The following APBB2 variants were observed in gnomAD, a reference collection of about 807,000 sequenced individuals.
APBB2 encodes amyloid beta precursor protein binding family B member 2.
APBB2 carries 38 observed loss-of-function variants against 82.5 expected under a neutral mutation model. The ratio of observed to expected loss-of-function variants is 0.46; its 90% CI spans 0.36 to 0.60. APBB2 has a LOEUF of 0.60. APBB2 is among the 20% of genes least tolerant of loss of function. APBB2 has a pLI of 0.00. For missense variants in APBB2, 772 were observed against 972.3 expected (o/e 0.79, Z 2.74); for synonymous variants, 341 against 368.2 (o/e 0.93, Z 0.85).
intron 2 of APBB2, among the ~76,000 whole-genome samples, chr4:41,135,272 A>G (rs1484382549): frequency 6.6e-6 from 1 of 152,170 alleles, no homozygotes; most frequent in Admixed American, 6.5e-5. Flanking sequence ...CATGACGATT[A>G]CATTCAAAAC....
chr4:40,907,906 C>T (rs1448821113), intron 10 of APBB2, among the ~76,000 whole-genome samples: 2 of 148,724 alleles, frequency 1.3e-5, no homozygotes, highest in African/African-American at 5.0e-5. Flanking sequence ...TGGGCTCAAG[C>T]CATTTGCTCA....
chr4:40,905,386 G>T (rs893122624), intron 10 of APBB2, among the ~76,000 whole-genome samples: 4 of 152,198 alleles, frequency 2.6e-5, no homozygotes, highest in African/African-American at 9.6e-5. Flanking sequence ...AGGAGAAAGA[G>T]GCAACGCAGT....
intron 10 of APBB2, among the ~76,000 whole-genome samples, chr4:40,915,504 T>C (rs951185631): frequency 2.0e-5 from 3 of 152,210 alleles, no homozygotes; most frequent in Admixed American, 1.3e-4. Context: ...AAACAATACC[T>C]GGTACTCAGT....
chr4:40,849,967 G>A (rs1163689203), intron 12 of APBB2, among the ~76,000 whole-genome samples: 1 of 151,966 alleles, frequency 6.6e-6, no homozygotes. Context: ...CAGGTGATTC[G>A]CCCGCCTCGG....
intron 6 of APBB2, among the ~76,000 whole-genome samples, chr4:40,954,946 G>A (rs1197756804): frequency 6.6e-6 from 1 of 150,920 alleles, no homozygotes; most frequent in East Asian, 2.0e-4. Flanking sequence ...CCACTGTACG[G>A]CCAGGTAGTC....
chr4:41,015,067 C>A (rs1326035882), intron 5 of APBB2, among the ~76,000 whole-genome samples: 2 of 152,328 alleles, frequency 1.3e-5, no homozygotes, highest in South Asian at 2.1e-4. Flanking sequence ...AAAACTATTA[C>A]TGTAGCATTG....
chr4:40,913,192 C>A (rs1778991319), intron 10 of APBB2, among the ~76,000 whole-genome samples: 1 of 152,072 alleles, frequency 6.6e-6, no homozygotes, highest in Admixed American at 6.5e-5. Flanking sequence ...AGCAGTCAGG[C>A]TGTACCCGCC....
intron 17 of APBB2, 142 bp downstream of exon 17, chr4:40,821,729 A>G: frequency 2.1e-6 from 2 of 963,136 alleles, no homozygotes; most frequent in African/African-American, 3.3e-5. Context: ...TTCTGGCCCT[A>G]GGAATGACGG....
chr4:40,897,316 C>T (rs1418576609), intron 10 of APBB2, among the ~76,000 whole-genome samples: 1 of 152,166 alleles, frequency 6.6e-6, no homozygotes, highest in African/African-American at 2.4e-5. Flanking sequence ...CGAGCCTGGC[C>T]AACATGGTGA....
At position 41,034,940 on chromosome 4, in the gene APBB2, C is replaced by T. The variant is rs114995247; in HGVS notation, c.-50-1636G>A. Among the ~76,000 whole-genome samples the T allele has an allele frequency of 9.6e-3, 1,460 of 152,242 alleles. 10 individuals carry two copies. The highest frequency in any genetic ancestry group is 0.034 in the Middle Eastern group (10 of 294). Reference sequence around the variant, plus strand: ...TGTTATATTAAGTCAAATACAGATACTGTATGATTCTATTTATATGAATTA... The same window carrying T: ...TGTTATATTAAGTCAAATACAGATATTGTATGATTCTATTTATATGAATTA... On this transcript the variant is annotated intron_variant, in intron 4 of 17. Transcript: ENST00000508593.
chr4:41,002,379 G>C (rs1398683302), intron 6 of APBB2, among the ~76,000 whole-genome samples: 2 of 152,228 alleles, frequency 1.3e-5, no homozygotes, highest in Non-Finnish European at 2.9e-5. Flanking sequence ...TCTACCAGAA[G>C]GCAAGGGACT....
At chr4:40,955,349 G>A (rs1248836957) in intron 6 of APBB2, among the ~76,000 whole-genome samples, 1 of 152,352 alleles carries the variant, frequency 6.6e-6, no homozygotes, top group East Asian at 1.9e-4. Context: ...AAGGTCACTC[G>A]ATTAGGGGTG....
At chr4:41,196,720 G>C in intron 1 of APBB2, among the ~76,000 whole-genome samples, 1 of 140,898 alleles carries the variant, frequency 7.1e-6, no homozygotes, top group Admixed American at 7.6e-5. Flanking sequence ...GTCTCTTTTT[G>C]CCTGACTCTT....
chr4:41,020,883 G>T (rs547707006), intron 5 of APBB2, among the ~76,000 whole-genome samples: 1 of 152,320 alleles, frequency 6.6e-6, no homozygotes, highest in Non-Finnish European at 1.5e-5. Flanking sequence ...CTTCTTAGGG[G>T]AAGAGTGTTG....
At chr4:41,046,613 A>T (rs1420762133) in intron 4 of APBB2, among the ~76,000 whole-genome samples, 1 of 152,176 alleles carries the variant, frequency 6.6e-6, no homozygotes, top group Admixed American at 6.5e-5. Flanking sequence ...AAATCAAGAT[A>T]ATTAAAGGAA....
chr4:40,819,149 G>A (rs1294410006), intron 17 of APBB2, among the ~76,000 whole-genome samples: 2 of 148,938 alleles, frequency 1.3e-5, no homozygotes, highest in Non-Finnish European at 3.0e-5. Context: ...TAACTAATTC[G>A]TAGGCTAAGT....
At chr4:40,907,373 A>ATT (rs1777213129) in intron 10 of APBB2, among the ~76,000 whole-genome samples, 1 of 37,418 alleles carries the variant, frequency 2.7e-5, no homozygotes, top group African/African-American at 1.3e-4. Context: ...ATATATATAT[A>ATT]TATATATTTT....
intron 4 of APBB2, among the ~76,000 whole-genome samples, chr4:41,045,380 G>A (rs530491590): frequency 4.3e-4 from 66 of 152,006 alleles, no homozygotes; most frequent in Non-Finnish European, 7.9e-4. Context: ...TGCAAGCTCC[G>A]CCTCCCATGT....
At position 40,946,254 on chromosome 4, in the gene APBB2, A is replaced by AAAAAAAAAAAC. The variant is rs1553875174; in HGVS notation, c.836-1182_836-1181insGTTTTTTTTTT. Among the ~76,000 whole-genome samples, 266 of 114,540 alleles carry AAAAAAAAAAAC rather than the reference A, an allele frequency of 2.3e-3. 15 individuals are homozygous for AAAAAAAAAAAC. Among genetic ancestry groups the AAAAAAAAAAAC allele is most frequent in the African/African-American group, 6.7e-3 (204 of 30,288 alleles). 75.1% of individuals were successfully genotyped at this position (114,540 alleles called of 152,430 possible). On this transcript the variant is annotated intron_variant, in intron 6 of 17. Transcript: ENST00000508593. Reference sequence around the variant, plus strand: ...CTCCAAAAAAAAAAAAAAAAAAAAAACATTCCCAAGGAAAGCAGATTGGAA... The same window carrying AAAAAAAAAAAC: ...CTCCAAAAAAAAAAAAAAAAAAAAAAAAAAAAAAAACCATTCCCAAGGAAAGCAGATTGGAA...
Sources: allele counts gnomAD v4.1 joint callset (sites outside exome capture counted in the v4.1 genomes callset), GRCh38; gene constraint gnomAD v4.1.1; transcripts MANE v1.5; gene names NCBI Gene and HGNC (gene_info 2026-07-23, HGNC 2026-07-21).